Variants in ARFRP1 observed in about 807,000 individuals in gnomAD.
The protein encoded by ARFRP1 is ADP-ribosylation factor-related protein 1.
In ARFRP1, 19 loss-of-function variants were observed where a neutral mutation model predicts 30.3. That is an observed-to-expected ratio of 0.63 (90% CI 0.44 to 0.92). ARFRP1 has a LOEUF of 0.92. Ranked by LOEUF, ARFRP1 falls within the 40% of genes least tolerant of loss-of-function variation. ARFRP1 has a pLI of 0.00. For missense variants in ARFRP1, 245 were observed against 267.5 expected (o/e 0.92, Z 0.59); for synonymous variants, 133 against 114.2 (o/e 1.16, Z -1.05).
rs774985362 is a variant in ARFRP1 at position 63,702,206 on chromosome 20, C to T, written c.276G>A (p.Glu92=). 1 of 1,612,076 alleles carries T rather than the reference C, an allele frequency of 6.2e-7. No homozygotes were observed. Among genetic ancestry groups the T allele is most frequent in the East Asian group, 2.2e-5 (1 of 44,876 alleles). ...LQSLWDKYYA[E]CHGVIYVIDS... ...CAATGACGTAGATGACGCCGTGACA[C>T]TCCGCATAATACTGGGAGGAAGCAC... The change falls in exon 5 of 8, where the codon GAG becomes GAA. Residue 92 remains glutamate, a synonymous_variant. Transcript: ENST00000622789.
chr20:63,705,489 C>T, intron 4 of ARFRP1: 1 of 425,886 alleles, frequency 2.3e-6, no homozygotes. Flanking sequence ...TAAACTGCAG[C>T]CTTGGGGGTG....
At chr20:63,701,098 C>G (rs2091181843) in intron 6 of ARFRP1, 1 of 405,050 alleles carries the variant, frequency 2.5e-6, no homozygotes, top group Non-Finnish European at 5.1e-6. Context: ...AGTCTGCAGT[C>G]ATGGTGGCTT....
chr20:63,700,975 C>T (rs2091175732), intron 6 of ARFRP1, among the ~76,000 whole-genome samples: 1 of 152,168 alleles, frequency 6.6e-6, no homozygotes, highest in South Asian at 2.1e-4. Flanking sequence ...CCCTGAGCCC[C>T]GAGGTGGGGC....
At chr20:63,706,936 AC>A (rs1243525027) in intron 2 of ARFRP1, 62 bp downstream of exon 2, 1 of 1,589,150 alleles carries the variant, frequency 6.3e-7, no homozygotes, top group Non-Finnish European at 8.6e-7. Flanking sequence ...AGCTGACAGC[AC>A]AAAACCGAAG....
chr20:63,702,085 C>T, intron 5 of ARFRP1, 51 bp downstream of exon 5: 2 of 1,581,770 alleles, frequency 1.3e-6, no homozygotes, highest in South Asian at 1.1e-5. Flanking sequence ...CCAAGCTGGA[C>T]CTGCCCCCAC....
rs59166240 is a variant in ARFRP1 at position 63,701,998 on chromosome 20, G to GCCCCCCCCCCCCCC, written c.347-112_347-99dup. On this transcript the variant is annotated intron_variant, in intron 5 of 7. Coordinates refer to ENST00000622789, the MANE Select transcript of ARFRP1 (RefSeq NM_001267547.3). ...GGACACTGTGACAGCCACTCCCTCT[G>GCCCCCCCCCCCCCC]CCCCCCCCCCCCCCGTCACCCACTA... The GCCCCCCCCCCCCCC allele has an allele frequency of 3.0e-4, 178 of 585,706 alleles. 9 individuals carry two copies. The highest frequency in any genetic ancestry group is 9.4e-4 in the South Asian group (44 of 46,686). 36.3% of individuals were successfully genotyped at this position (585,706 alleles called of 1,614,324 possible). A position where few individuals can be genotyped will look rare whatever the true frequency, so the allele number is the denominator to read the frequency against.
rs1001414186 is a variant in ARFRP1, at chr20:63,701,972, T to G, written c.347-72A>C. On this transcript the variant is annotated intron_variant, in intron 5 of 7. Transcript: ENST00000622789. ...CTGACTGCCCAGGGGCCCACAGGCG[T>G]GGACACTGTGACAGCCACTCCCTCT... 1.1e-5 allele frequency: 15 copies of G among 1,336,456 alleles called. No individual in the cohort carries two copies. In the Admixed American group the frequency reaches 3.1e-4, roughly 28 times the overall value. 82.8% of individuals were successfully genotyped at this position (1,336,456 alleles called of 1,614,324 possible).
rs1380836448 is a variant in ARFRP1 at position 63,702,231 on chromosome 20, C to T, written c.265-14G>A. 1.9e-6 allele frequency: 3 copies of T among 1,609,952 alleles called. No homozygotes were observed. Among genetic ancestry groups the T allele is most frequent in the Non-Finnish European group, 2.5e-6 (3 of 1,178,392 alleles). ...CTCCGCATAATACTGGGAGGAAGCA[C>T]CAGGAGTTGGGGCTCAGTCCCCACC... On this transcript the variant is annotated splice_polypyrimidine_tract_variant and intron_variant, in intron 4 of 7. Transcript: ENST00000622789.
rs543502182 is a variant in ARFRP1 at position 63,706,450 on chromosome 20, G to A, written c.182-11C>T. ...CATCCACAGTGCCGACTGGGGAGAG[G>A]AGGAAACAGGCAAGGCTCATGACCT... On this transcript the variant is annotated splice_polypyrimidine_tract_variant and intron_variant, in intron 3 of 7. Transcript: ENST00000622789. 21 of 1,612,742 alleles carry A rather than the reference G, an allele frequency of 1.3e-5. No individual in the cohort carries two copies. Among genetic ancestry groups the A allele is most frequent in the East Asian group, 2.2e-5 (1 of 44,880 alleles).
At chr20:63,706,265 G>C in intron 4 of ARFRP1, 92 bp downstream of exon 4, 1 of 1,212,438 alleles carries the variant, frequency 8.2e-7, no homozygotes, top group Non-Finnish European at 1.2e-6. Context: ...GAGTGGGTAA[G>C]GAAAACTGCT....
rs548338167 is a variant in ARFRP1, at chr20:63,699,832, G to A, written c.*611C>T. On this transcript the variant is annotated 3_prime_UTR_variant, in exon 8 of 8. Coordinates refer to ENST00000622789, the MANE Select transcript of ARFRP1 (RefSeq NM_001267547.3). ...GTCAGCTCCCTCCCGGGGGATTAGG[G>A]TGAGGTGAAGCCAGGCCCAGGCGTG... 1 of 157,306 alleles carries A rather than the reference G, an allele frequency of 6.4e-6. No homozygotes were observed. The highest frequency in any genetic ancestry group is 1.8e-4 in the South Asian group (1 of 5,406). The allele number at this position is 157,306 out of a possible 1,614,324, so 9.7% of individuals were successfully genotyped here.
intron 2 of ARFRP1, 123 bp downstream of exon 2, chr20:63,706,876 A>C (rs2091499344): frequency 3.1e-6 from 4 of 1,300,922 alleles, no homozygotes; most frequent in Non-Finnish European, 4.4e-6. Flanking sequence ...GGTGGTGACT[A>C]TCCTGCCGTC....
chr20:63,707,425 C>A, intron 1 of ARFRP1: 1 of 238,832 alleles, frequency 4.2e-6, no homozygotes, highest in Non-Finnish European at 8.3e-6. Flanking sequence ...CGCTCCCACG[C>A]TTCACGCGCG....
chr20:63,707,603 C>G (rs1176337301), intron 1 of ARFRP1: 1 of 153,594 alleles, frequency 6.5e-6, no homozygotes, highest in African/African-American at 2.4e-5. Flanking sequence ...GGGGACGGCC[C>G]TGGGGGGAGC....
intron 3 of ARFRP1, 35 bp downstream of exon 3, chr20:63,706,616 G>A: frequency 6.4e-7 from 1 of 1,565,824 alleles, no homozygotes; most frequent in Non-Finnish European, 8.8e-7. Context: ...CATCCTCAAG[G>A]CCCCAAACCC....
chr20:63,702,089 C>T (rs1304723061), intron 5 of ARFRP1, 47 bp downstream of exon 5: 8 of 1,585,034 alleles, frequency 5.0e-6, no homozygotes, highest in Admixed American at 1.7e-5. Flanking sequence ...GCTGGACCTG[C>T]CCCCACTCAC....
At position 63,699,844 on chromosome 20, in the gene ARFRP1, C is replaced by T. The variant is rs1048973894; in HGVS notation, c.*599G>A. 7.1e-4 allele frequency: 112 copies of T among 158,670 alleles called. 1 individual carries two copies. The highest frequency in any genetic ancestry group is 7.7e-4 in the Non-Finnish European group (55 of 71,572). 9.8% of individuals were successfully genotyped at this position (158,670 alleles called of 1,614,324 possible). On this transcript the variant is annotated 3_prime_UTR_variant, in exon 8 of 8. Transcript: ENST00000622789. The stretch of plus-strand genomic sequence containing the variant: ...CCGGGGGATTAGGGTGAGGTGAAGC[C>T]AGGCCCAGGCGTGGGGTATAGGTCT...
chr20:63,701,352 C>T (rs777641218), intron 6 of ARFRP1: 7 of 536,524 alleles, frequency 1.3e-5, no homozygotes, highest in Admixed American at 3.9e-5. Context: ...TAGAACTCAG[C>T]GTGGCCAGTG....
At chr20:63,703,846 T>C (rs2091328570) in intron 4 of ARFRP1, 1 of 152,216 alleles carries the variant, frequency 6.6e-6, no homozygotes, top group African/African-American at 2.4e-5. Context: ...CAGGGCTGAG[T>C]GCGGGCAGGA....
Sources: allele counts gnomAD v4.1 joint callset (sites outside exome capture counted in the v4.1 genomes callset), GRCh38; gene constraint gnomAD v4.1.1; transcripts MANE v1.5; gene names NCBI Gene and HGNC (gene_info 2026-07-23, HGNC 2026-07-21).